Variants in CD164L2 observed in about 807,000 individuals in gnomAD.
The protein encoded by CD164L2 is CD164 molecule like 2.
In CD164L2, 21 loss-of-function variants were observed where a neutral mutation model predicts 23.9. That is an observed-to-expected ratio of 0.88 (90% confidence interval 0.62 to 1.27). CD164L2 has a LOEUF of 1.27. CD164L2 is among the 50% of genes most tolerant of loss of function. The pLI, the probability that CD164L2 is intolerant of heterozygous loss-of-function variation, is 0.00. For synonymous variants in CD164L2, 92 were observed against 90.2 expected, an observed-to-expected ratio of 1.02 and a Z score of -0.11; for missense variants, 230 against 224.8, an observed-to-expected ratio of 1.02 and a Z score of -0.15.
At chr1:27,379,613 A>G in intron 5 of CD164L2, 104 bp from the exon 6 acceptor site, 1 of 1,547,252 alleles carries the variant, frequency 6.5e-7, no homozygotes, top group Non-Finnish European at 8.7e-7. Flanking sequence ...ACACTTTAAC[A>G]CAGGCTGTGG....
In CD164L2 at chr1:27,382,328, C is replaced by T. The variant is rs2016350355; in HGVS notation, c.328G>A (p.Ala110Thr). The change falls in exon 3 of 6, where the codon GCT (alanine) becomes ACT (threonine). Residue 110 changes from alanine (A) to threonine (T), a missense_variant and splice_region_variant. Physicochemically the swap from Ala to Thr is moderately conservative, Grantham distance 58. Transcript: ENST00000374030. Reference protein sequence around the residue: ...SIYNRSEACPAAHHHPTYEPK... With the variant: ...SIYNRSEACPTAHHHPTYEPK... ...GGCTTAGGTGCAAGAACCCCCTTAC[C>T]TGGACATGCCTCTGAGCGGTTGTAG... The T allele has an allele frequency of 2.5e-6, 4 of 1,614,134 alleles. No homozygotes were observed. The highest frequency in any genetic ancestry group is 3.4e-6 in the Non-Finnish European group (4 of 1,179,980).
rs907355101 is a variant in CD164L2, at chr1:27,379,645, C to G, written c.519-136G>C. The G allele has an allele frequency of 5.2e-6, 8 of 1,530,044 alleles. No individual in the cohort carries two copies. The Admixed American group carries it at 1.2e-4, about 23-fold the overall frequency. 94.8% of individuals were successfully genotyped at this position (1,530,044 alleles called of 1,614,324 possible). On this transcript the variant is annotated intron_variant, in intron 5 of 5. Transcript: ENST00000374030. The stretch of plus-strand genomic sequence containing the variant: ...GTGGCGACCCGCCCCACAGCACACA[C>G]GGCACACAGAGGGCCTCAGGCACAG...
In CD164L2 at chr1:27,383,326, G is replaced by T; in HGVS notation, c.-87C>A. ...CGTCCCTCCCAGACTGGGCTCGGCT[G>T]AGCGTGTGCGGAGCGAGACCTGGGC... is the stretch of plus-strand genomic sequence containing the variant. On this transcript the variant is annotated 5_prime_UTR_variant, in exon 1 of 6. Coordinates refer to ENST00000374030, the MANE Select transcript of CD164L2 (RefSeq NM_001330448.1). 3.5e-6 allele frequency: 3 copies of T among 859,774 alleles called. No individual in the cohort carries two copies. Among genetic ancestry groups the T allele is most frequent in the Non-Finnish European group, 5.3e-6 (3 of 565,174 alleles). The allele number at this position is 859,774 out of a possible 1,614,324, so 53.3% of individuals were successfully genotyped here.
chr1:27,379,699 G>A, intron 5 of CD164L2, 190 bp from the exon 6 acceptor site: 1 of 1,471,560 alleles, frequency 6.8e-7, no homozygotes, highest in Non-Finnish European at 9.0e-7. Flanking sequence ...AACCCAACTA[G>A]ACACAAGGCC....
At position 27,382,512 on chromosome 1, in the gene CD164L2, G is replaced by C; in HGVS notation, c.244C>G (p.Pro82Ala). 1 of 1,606,948 alleles carries C rather than the reference G, an allele frequency of 6.2e-7. No individual in the cohort carries two copies. Among genetic ancestry groups the C allele is most frequent in the Non-Finnish European group, 8.5e-7 (1 of 1,175,496 alleles). Residue 82 changes from proline to alanine, a missense_variant, in exon 2 of 6, where the codon CCA (proline) becomes GCA (alanine). By Grantham distance (27) the Pro-to-Ala change is conservative. Transcript: ENST00000374030. ...LSSCVWEQCR[P>A]EEPGHCVAQS... ...CTCAGCTCCATACCTGGCTCCTCTG[G>C]CCGGCACTGCTCCCACACGCAGCTG...
chr1:27,382,902 G>A (rs546237865), intron 1 of CD164L2, among the ~76,000 whole-genome samples: 63 of 152,036 alleles, frequency 4.1e-4, no homozygotes, highest in African/African-American at 1.4e-3. Context: ...ATACACCCGG[G>A]GTTCCCAGAT....
intron 4 of CD164L2, among the ~76,000 whole-genome samples, chr1:27,380,637 T>A (rs192653810): frequency 6.6e-6 from 1 of 152,244 alleles, no homozygotes; most frequent in African/African-American, 2.4e-5. Flanking sequence ...GACGATATAG[T>A]CCCTTTTCAG....
chr1:27,379,740 G>T (rs1394211837), intron 5 of CD164L2: 1 of 1,444,294 alleles, frequency 6.9e-7, no homozygotes, highest in Non-Finnish European at 9.1e-7. Context: ...AGAAACGCGG[G>T]CCACAGGCTT....
chr1:27,379,413 G>GGC lies in CD164L2; in HGVS notation c.*89_*90insGC. 1.3e-6 allele frequency: 1 copy of GGC among 745,920 alleles called. No homozygotes were observed. Among genetic ancestry groups the GGC allele is most frequent in the Non-Finnish European group, 2.3e-6 (1 of 440,722 alleles). 46.2% of individuals were successfully genotyped at this position (745,920 alleles called of 1,614,324 possible). On this transcript the variant is annotated 3_prime_UTR_variant, in exon 6 of 6. Transcript: ENST00000374030. Reference sequence around the variant, plus strand: ...AAAACTGGCGGCCAGAGTTTTTCCCGCCCCCGCCCCCCGCTTACCCACAAG... The same window carrying GGC: ...AAAACTGGCGGCCAGAGTTTTTCCCGGCCCCCCGCCCCCCGCTTACCCACAAG...
Position 27,382,681 on chromosome 1 carries a change from G to A in CD164L2, c.89-14C>T. 1 of 1,600,114 alleles carries A rather than the reference G, an allele frequency of 6.2e-7. No homozygotes were observed. Among genetic ancestry groups the A allele is most frequent in the Non-Finnish European group, 8.5e-7 (1 of 1,173,004 alleles). ...GAGCTCCTTTACCTGGTAGTGCGGT[G>A]GAGTGGGAAGGGAGAATTCCTCGAA... On this transcript the variant is annotated splice_polypyrimidine_tract_variant and intron_variant, in intron 1 of 5. Coordinates refer to ENST00000374030, the MANE Select transcript of CD164L2 (RefSeq NM_001330448.1).
Position 27,379,287 on chromosome 1 carries a change from C to A in CD164L2, c.*216G>T. The A allele has an allele frequency of 1.7e-6, 1 of 605,866 alleles. No individual in the cohort carries two copies. Among genetic ancestry groups the A allele is most frequent in the Non-Finnish European group, 3.0e-6 (1 of 334,552 alleles). The allele number at this position is 605,866 out of a possible 1,614,324, so 37.5% of individuals were successfully genotyped here. ...GGCCCAGCAGGGGCGATGGAGGAGA[C>A]GAGGTGGTTGAGGGATTTTCTCAGC... On this transcript the variant is annotated 3_prime_UTR_variant, in exon 6 of 6. Coordinates refer to ENST00000374030, the MANE Select transcript of CD164L2 (RefSeq NM_001330448.1).
At chr1:27,380,780 G>C (rs780634943) in intron 4 of CD164L2, among the ~76,000 whole-genome samples, 27 of 152,240 alleles carry the variant, frequency 1.8e-4, no homozygotes, top group Non-Finnish European at 3.7e-4. Context: ...GTGTGTGTCA[G>C]GGGGAACATG....
intron 1 of CD164L2, 131 bp from the exon 2 acceptor site, chr1:27,382,798 A>G (rs550921434): frequency 1.0e-4 from 103 of 984,554 alleles, no homozygotes; most frequent in Non-Finnish European, 1.4e-4. Flanking sequence ...TCACCCCTGG[A>G]TCCCCAAGCC....
Position 27,383,331 on chromosome 1 carries a change from T to C in CD164L2, c.-92A>G, listed in dbSNP as rs1437562654. ...CTCCCAGACTGGGCTCGGCTGAGCGTGTGCGGAGCGAGACCTGGGCAACCG... is the reference window on the plus strand; with the variant it reads ...CTCCCAGACTGGGCTCGGCTGAGCGCGTGCGGAGCGAGACCTGGGCAACCG... On this transcript the variant is annotated 5_prime_UTR_variant, in exon 1 of 6. Coordinates refer to ENST00000374030, the MANE Select transcript of CD164L2 (RefSeq NM_001330448.1). The C allele has an allele frequency of 2.4e-6, 2 of 825,460 alleles. No individual in the cohort carries two copies. The highest frequency in any genetic ancestry group is 3.7e-6 in the Non-Finnish European group (2 of 537,966). 51.1% of individuals were successfully genotyped at this position (825,460 alleles called of 1,614,324 possible).
intron 5 of CD164L2, chr1:27,379,787 G>C: frequency 7.0e-7 from 1 of 1,434,404 alleles, no homozygotes; most frequent in Non-Finnish European, 9.1e-7. Flanking sequence ...TTCCCTGCTG[G>C]CAGCATGAAG....
chr1:27,381,395 C>T (rs769287155), intron 4 of CD164L2, among the ~76,000 whole-genome samples: 12 of 152,190 alleles, frequency 7.9e-5, no homozygotes, highest in Non-Finnish European at 1.6e-4. Context: ...CCTTGTGACC[C>T]TCTCTGGGCC....
intron 4 of CD164L2, among the ~76,000 whole-genome samples, chr1:27,380,727 C>T (rs913236734): frequency 2.6e-5 from 4 of 152,232 alleles, no homozygotes; most frequent in African/African-American, 7.2e-5. Context: ...GAAGTGGAGG[C>T]CCCAACTGTC....
Position 27,383,218 on chromosome 1 carries a change from C to T in CD164L2, c.22G>A (p.Ala8Thr). Residue 8 changes from alanine to threonine, a missense_variant, in exon 1 of 6, where the codon GCC (alanine) becomes ACC (threonine). By Grantham distance (58) the Ala-to-Thr change is moderately conservative. Transcript: ENST00000374030. The part of the protein sequence containing the change: MEAPGPR[A>T]LRTALCGGCC... ...CCGCCACAGAGCGCAGTCCGCAAGG[C>T]GCGGGGTCCCGGAGCCTCCATGGGC... 1 of 1,546,028 alleles carries T rather than the reference C, an allele frequency of 6.5e-7. No homozygotes were observed. Among genetic ancestry groups the T allele is most frequent in the East Asian group, 2.4e-5 (1 of 40,914 alleles).
intron 5 of CD164L2, 64 bp from the exon 6 acceptor site, chr1:27,379,573 C>T (rs2016299700): frequency 1.3e-6 from 2 of 1,550,478 alleles, no homozygotes; most frequent in Non-Finnish European, 1.7e-6. Context: ...GGACCCCCTG[C>T]CTCGAGAGGA....
Sources: allele counts gnomAD v4.1 joint callset (sites outside exome capture counted in the v4.1 genomes callset), GRCh38; gene constraint gnomAD v4.1.1; transcripts MANE v1.5; gene names NCBI Gene and HGNC (gene_info 2026-07-23, HGNC 2026-07-21).